Variants in TNIP1 observed in about 807,000 individuals in gnomAD.
TNIP1 encodes TNFAIP3 interacting protein 1.
Under a neutral mutation model 86.6 loss-of-function variants are expected in TNIP1, and 22 were observed. The ratio of observed to expected loss-of-function variants is 0.25; its 90% confidence interval spans 0.18 to 0.36. The LOEUF is 0.36. Ranked by LOEUF, TNIP1 falls within the 10% of genes least tolerant of loss-of-function variation. The pLI is 1.00. For synonymous variants in TNIP1, 294 were observed against 313.0 expected (o/e 0.94, Z 0.64); for missense variants, 709 against 820.6 (o/e 0.86, Z 1.66).
intron 5 of TNIP1, among the ~76,000 whole-genome samples, chr5:151,057,676 C>A (rs906846021): frequency 6.6e-6 from 1 of 152,140 alleles, no homozygotes; most frequent in Non-Finnish European, 1.5e-5. Context: ...GAGATCGCAC[C>A]ACAGCACTCC....
rs1189069077 is a variant in TNIP1, at chr5:151,032,502, C to T, written c.1780-119G>A. The stretch of plus-strand genomic sequence containing the variant: ...AAGTATAATTGAATCTTTATAACAA[C>T]CCAGGCTGGCACTCCCATTTCACAG... On this transcript the variant is annotated intron_variant, in intron 16 of 17. Transcript: ENST00000521591. 4 of 1,017,322 alleles carry T rather than the reference C, an allele frequency of 3.9e-6. No homozygotes were observed. The South Asian group carries it at 4.3e-5, about 11-fold the overall frequency. The allele number at this position is 1,017,322 out of a possible 1,614,324, so 63.0% of individuals were successfully genotyped here.
intron 17 of TNIP1, among the ~76,000 whole-genome samples, chr5:151,031,167 CTG>C (rs1388323741): frequency 2.6e-5 from 4 of 152,174 alleles, no homozygotes; most frequent in African/African-American, 9.7e-5. Context: ...CAGAAAATGA[CTG>C]AGCAGCCCAA....
intron 14 of TNIP1, 125 bp downstream of exon 14, chr5:151,035,457 T>C: frequency 7.0e-7 from 1 of 1,425,820 alleles, no homozygotes. Context: ...AGCTCAAATA[T>C]GATTGCAGAG....
chr5:151,051,127 TGGGGTCACTA>T (rs1347422290), intron 7 of TNIP1, among the ~76,000 whole-genome samples: 1 of 152,212 alleles, frequency 6.6e-6, no homozygotes, highest in African/African-American at 2.4e-5. Context: ...AATCCATGGA[TGGGGTCACTA>T]GGGCTATAAA....
intron 1 of TNIP1, among the ~76,000 whole-genome samples, chr5:151,079,851 A>G (rs537324602): frequency 6.6e-6 from 1 of 152,156 alleles, no homozygotes. Flanking sequence ...CTGACCTCTC[A>G]TCAGATGCCG....
intron 5 of TNIP1, among the ~76,000 whole-genome samples, chr5:151,058,201 G>A (rs571151455): frequency 2.0e-5 from 3 of 152,290 alleles, no homozygotes; most frequent in Non-Finnish European, 2.9e-5. Context: ...GATTACAGGC[G>A]TAAGCCACCA....
At chr5:151,063,876 C>T (rs1761903334) in intron 2 of TNIP1, 129 bp from the exon 3 acceptor site, 6 of 1,210,502 alleles carry the variant, frequency 5.0e-6, no homozygotes, top group Non-Finnish European at 6.8e-6. Context: ...TCACTCCCAC[C>T]GTTGCTCTGT....
chr5:151,059,787 G>C (rs1056398082), intron 5 of TNIP1, among the ~76,000 whole-genome samples: 11 of 53,316 alleles, frequency 2.1e-4, no homozygotes, highest in African/African-American at 5.3e-4. Context: ...GACAGAGAGA[G>C]AGAGAGAGAG....
At chr5:151,071,156 G>A (rs1762784003) in intron 1 of TNIP1, among the ~76,000 whole-genome samples, 1 of 152,182 alleles carries the variant, frequency 6.6e-6, no homozygotes, top group Non-Finnish European at 1.5e-5. Flanking sequence ...GGGCTCTCCT[G>A]ATGGCTGTCA....
chr5:151,068,338 A>T (rs963357137), intron 1 of TNIP1, among the ~76,000 whole-genome samples: 1 of 152,148 alleles, frequency 6.6e-6, no homozygotes, highest in Non-Finnish European at 1.5e-5. Context: ...AGGTTTTTAT[A>T]ACTTCTCCCA....
chr5:151,050,008 C>T, intron 7 of TNIP1, 61 bp from the exon 8 acceptor site: 1 of 1,605,128 alleles, frequency 6.2e-7, no homozygotes, highest in Non-Finnish European at 8.5e-7. Context: ...ACCTACAGGG[C>T]TCCTTAATGC....
chr5:151,070,803 C>T (rs539755715), intron 1 of TNIP1, among the ~76,000 whole-genome samples: 10 of 152,198 alleles, frequency 6.6e-5, no homozygotes, highest in African/African-American at 1.2e-4. Flanking sequence ...CATCAAAGGC[C>T]GGGTTGGATT....
intron 1 of TNIP1, among the ~76,000 whole-genome samples, chr5:151,072,669 C>A (rs1480755111): frequency 6.6e-6 from 1 of 152,218 alleles, no homozygotes; most frequent in Non-Finnish European, 1.5e-5. Context: ...GGACTGCCCC[C>A]CCTCCAGTCC....
intron 17 of TNIP1, 32 bp downstream of exon 17, chr5:151,032,255 G>A (rs746744944): frequency 6.4e-7 from 1 of 1,562,326 alleles, no homozygotes; most frequent in Non-Finnish European, 8.8e-7. Flanking sequence ...ATCTCCCCCA[G>A]GGAGGACCAA....
intron 15 of TNIP1, among the ~76,000 whole-genome samples, 181 bp from the exon 16 acceptor site, chr5:151,033,980 G>A (rs1379876490): frequency 6.6e-6 from 1 of 152,258 alleles, no homozygotes. Flanking sequence ...GGCATAGAAG[G>A]CTGGATATAT....
chr5:151,056,643 T>C (rs1165514375), intron 6 of TNIP1, 123 bp downstream of exon 6: 2 of 957,912 alleles, frequency 2.1e-6, no homozygotes, highest in Non-Finnish European at 2.8e-6. Flanking sequence ...GCCCGAAGTC[T>C]GCCCACAACA....
At chr5:151,050,255 C>G (rs917466175) in intron 7 of TNIP1, among the ~76,000 whole-genome samples, 1 of 152,224 alleles carries the variant, frequency 6.6e-6, no homozygotes, top group Non-Finnish European at 1.5e-5. Flanking sequence ...GAAAGTGACA[C>G]CCTTTCCAAT....
At chr5:151,086,565 CAA>C (rs780622843) in intron 1 of TNIP1, among the ~76,000 whole-genome samples, 1 of 152,178 alleles carries the variant, frequency 6.6e-6, no homozygotes, top group Non-Finnish European at 1.5e-5. Context: ...CCCTCTCCAT[CAA>C]AAATTCACTG....
chr5:151,070,321 T>C (rs1048838689), intron 1 of TNIP1, among the ~76,000 whole-genome samples: 8 of 152,230 alleles, frequency 5.3e-5, no homozygotes, highest in African/African-American at 1.9e-4. Context: ...TAGCTCAGCA[T>C]TTGACACACA....
Sources: gnomAD v4.1 joint callset for allele counts (sites outside exome capture counted in the v4.1 genomes callset) on GRCh38, gnomAD v4.1.1 for gene constraint, MANE v1.5 for transcripts, NCBI Gene and HGNC (gene_info 2026-07-23, HGNC 2026-07-21) for gene names.